The following KIF26B variants were observed in gnomAD, a reference collection of about 807,000 sequenced individuals.
KIF26B encodes kinesin family member 26B.
KIF26B carries 63 observed loss-of-function variants against 151.2 expected under a neutral mutation model. That is an observed-to-expected ratio of 0.42 (90% confidence interval 0.34 to 0.51). The LOEUF (loss-of-function observed/expected upper bound fraction) is 0.51. KIF26B is among the 20% of genes least tolerant of loss of function. The pLI, the probability that KIF26B is intolerant of heterozygous loss-of-function variation, is 0.07. For missense variants in KIF26B, 2,813 were observed against 2,913.6 expected, an observed-to-expected ratio of 0.97 and a Z score of 0.79; for synonymous variants, 1,357 against 1,262.1, an observed-to-expected ratio of 1.08 and a Z score of -1.59.
At chr1:245,157,892 T>C (rs906904458) in intron 2 of KIF26B, among the ~76,000 whole-genome samples, 1 of 152,266 alleles carries the variant, frequency 6.6e-6, no homozygotes, top group Non-Finnish European at 1.5e-5. Context: ...TGATCCTTCA[T>C]CAATATTCAT....
At chr1:245,542,069 T>G (rs1229176337) in intron 5 of KIF26B, among the ~76,000 whole-genome samples, 2 of 152,188 alleles carry the variant, frequency 1.3e-5, no homozygotes, top group Non-Finnish European at 2.9e-5. Flanking sequence ...TTACATGGAA[T>G]AGGTCAGGCA....
intron 4 of KIF26B, among the ~76,000 whole-genome samples, chr1:245,483,603 C>T (rs113223146): frequency 0.01 from 1,530 of 152,052 alleles, 38 homozygotes; most frequent in African/African-American, 0.035. Context: ...TGAGCAAGTC[C>T]GCCCAGGTGC....
intron 2 of KIF26B, among the ~76,000 whole-genome samples, chr1:245,271,582 C>CTTT (rs541575144): frequency 2.4e-5 from 3 of 127,020 alleles, no homozygotes; most frequent in African/African-American, 5.7e-5. Context: ...CAGTCAAATG[C>CTTT]TTTTTTTTTT....
chr1:245,617,471 G>T (rs1194608205), intron 9 of KIF26B, among the ~76,000 whole-genome samples: 3 of 152,156 alleles, frequency 2.0e-5, no homozygotes, highest in African/African-American at 7.2e-5. Flanking sequence ...TTAGGGCTGT[G>T]TGGTGGATAT....
intron 4 of KIF26B, chr1:245,511,034 T>A (rs138638635): frequency 1.4e-4 from 100 of 711,044 alleles, no homozygotes; most frequent in Admixed American, 7.2e-4. Flanking sequence ...CAAGAGACAT[T>A]TGAGAGAAGC....
intron 2 of KIF26B, among the ~76,000 whole-genome samples, chr1:245,270,299 CCATCTTCCCTTCCCCTCCTTCACTT>C (rs1670834607): frequency 1.7e-5 from 2 of 119,986 alleles, no homozygotes. Context: ...CCCTTCCCTT[CCATCTTCCCTTCCCCTCCTTCACTT>C]CCTTTTTCCT....
chr1:245,645,374 T>C (rs2043936110), intron 9 of KIF26B, among the ~76,000 whole-genome samples: 1 of 152,216 alleles, frequency 6.6e-6, no homozygotes. Flanking sequence ...TGCAAATCTC[T>C]AGAGCTCTCT....
At chr1:245,437,501 T>A (rs1485751892) in intron 4 of KIF26B, among the ~76,000 whole-genome samples, 1 of 152,234 alleles carries the variant, frequency 6.6e-6, no homozygotes. Context: ...CTGAAAGATC[T>A]GCAGTGGATT....
chr1:245,513,976 C>T (rs1660893666), intron 4 of KIF26B, among the ~76,000 whole-genome samples: 2 of 152,204 alleles, frequency 1.3e-5, no homozygotes, highest in Admixed American at 1.3e-4. Flanking sequence ...GAATGCACCC[C>T]TTCCGAACCT....
intron 4 of KIF26B, among the ~76,000 whole-genome samples, chr1:245,478,008 C>T (rs1660080129): frequency 6.6e-6 from 1 of 151,808 alleles, no homozygotes; most frequent in African/African-American, 2.4e-5. Flanking sequence ...CTCTTCCAGC[C>T]GCTGGCACCC....
intron 2 of KIF26B, among the ~76,000 whole-genome samples, chr1:245,270,205 CCTTTCTT>C (rs1670828385): frequency 7.2e-6 from 1 of 138,460 alleles, no homozygotes; most frequent in Non-Finnish European, 1.6e-5. Context: ...TTTTCCCTTC[CCTTTCTT>C]CTTCCCTTCC....
chr1:245,289,237 T>C (rs1304954516), intron 2 of KIF26B, among the ~76,000 whole-genome samples: 2 of 152,218 alleles, frequency 1.3e-5, no homozygotes, highest in Non-Finnish European at 2.9e-5. Flanking sequence ...TAGTCGTAAA[T>C]GTGGTTACAG....
rs1391463109 is a variant in KIF26B, at chr1:245,155,364, G to C, written c.-61G>C. 17 of 1,410,608 alleles carry C rather than the reference G, an allele frequency of 1.2e-5. No homozygotes were observed. In the Admixed American group the frequency reaches 2.7e-4, roughly 22 times the overall value. 87.4% of individuals were successfully genotyped at this position (1,410,608 alleles called of 1,614,324 possible). On this transcript the variant is annotated 5_prime_UTR_variant, in exon 1 of 15. Coordinates refer to ENST00000407071, the MANE Select transcript of KIF26B (RefSeq NM_018012.4). ...GCAGCCGGGGGACGCTTCTGGGTTG[G>C]AGGACCTTCTGGATGTAGCGTCGGT...
At chr1:245,621,674 G>T (rs1362667104) in intron 9 of KIF26B, among the ~76,000 whole-genome samples, 1 of 152,202 alleles carries the variant, frequency 6.6e-6, no homozygotes, top group Non-Finnish European at 1.5e-5. Flanking sequence ...ATCACCTATT[G>T]TGTTCATTTG....
rs1255625615 is a variant in KIF26B, at chr1:245,601,997, T to C, written c.1351-580T>C. Among the ~76,000 whole-genome samples the C allele has an allele frequency of 6.6e-6, 1 of 152,204 alleles. No homozygotes were observed. Among genetic ancestry groups the C allele is most frequent in the African/African-American group, 2.4e-5 (1 of 41,460 alleles). ...CGACAACTTCTCTGCACTCGCTTAA[T>C]GGGATCCCAAATAACACGTCGCAGA... On this transcript the variant is annotated intron_variant, in intron 5 of 14. Coordinates refer to ENST00000407071, the MANE Select transcript of KIF26B (RefSeq NM_018012.4). The surrounding 1 kb of genome is among the most constrained non-coding windows in gnomAD (Gnocchi z 4.4).
At chr1:245,531,434 G>A (rs920730887) in intron 4 of KIF26B, among the ~76,000 whole-genome samples, 1 of 151,982 alleles carries the variant, frequency 6.6e-6, no homozygotes, top group South Asian at 2.1e-4. Flanking sequence ...TTTTCAACCC[G>A]TAATGTGTGG....
intron 10 of KIF26B, among the ~76,000 whole-genome samples, chr1:245,656,682 T>C (rs1393261705): frequency 6.6e-6 from 1 of 152,182 alleles, no homozygotes; most frequent in Non-Finnish European, 1.5e-5. Context: ...ACAAATGTGT[T>C]GGGGATTAAT....
At chr1:245,615,413 G>A (rs116428626) in intron 9 of KIF26B, among the ~76,000 whole-genome samples, 1,815 of 152,114 alleles carry the variant, frequency 0.012, 28 homozygotes, top group Middle Eastern at 0.034. Context: ...CTGAAAGTAG[G>A]GAGAAATCTT....
intron 3 of KIF26B, among the ~76,000 whole-genome samples, chr1:245,372,105 C>G (rs1258465529): frequency 6.6e-6 from 1 of 152,138 alleles, no homozygotes; most frequent in Non-Finnish European, 1.5e-5. Context: ...CAGGAGGTGA[C>G]TGGCGGGTGG....
Sources: gnomAD v4.1 joint callset for allele counts (sites outside exome capture counted in the v4.1 genomes callset) on GRCh38, gnomAD v4.1.1 for gene constraint, Gnocchi (gnomAD v3.1) non-coding constraint, MANE v1.5 for transcripts, NCBI Gene and HGNC (gene_info 2026-07-23, HGNC 2026-07-21) for gene names.